The following FER variants were observed in gnomAD, a reference collection of about 807,000 sequenced individuals.
FER encodes the protein tyrosine-protein kinase Fer.
A neutral mutation model predicts 111.0 loss-of-function variants in FER; 63 were observed. The ratio of observed to expected loss-of-function variants is 0.57; its 90% CI spans 0.46 to 0.70. FER has a LOEUF of 0.70. Among genes scored for constraint, FER ranks in the 30% least tolerant of loss-of-function variants. The probability of loss-of-function intolerance (pLI) is 0.00; values close to 1 mark genes in which losing one functional copy is unlikely to be tolerated. For synonymous variants in FER, 327 were observed against 313.9 expected (o/e 1.04, Z -0.44); for missense variants, 914 against 954.0 (o/e 0.96, Z 0.55).
At position 108,905,356 on chromosome 5, in the gene FER, T is replaced by C. The variant is rs1199958512; in HGVS notation, c.1236+7508T>C. Reference sequence around the variant, plus strand: ...AAAAACTATATGTATATATTTCAAATTTATCTTTTAAATTATGAATTTCTT... The same window carrying C: ...AAAAACTATATGTATATATTTCAAACTTATCTTTTAAATTATGAATTTCTT... On this transcript the variant is annotated intron_variant, in intron 10 of 19. Coordinates refer to ENST00000281092, the MANE Select transcript of FER (RefSeq NM_005246.4). Among the ~76,000 whole-genome samples, 4 of 152,188 alleles carry C rather than the reference T, an allele frequency of 2.6e-5. No individual in the cohort carries two copies. In the East Asian group the frequency reaches 7.7e-4, roughly 29 times the overall value.
intron 14 of FER, among the ~76,000 whole-genome samples, chr5:109,041,057 C>G (rs1037247794): frequency 6.6e-6 from 1 of 152,038 alleles, no homozygotes; most frequent in African/African-American, 2.4e-5. Context: ...AGAAGAGAAG[C>G]AGTCATCCAG....
At chr5:109,168,766 T>A (rs535424683) in intron 17 of FER, among the ~76,000 whole-genome samples, 1 of 152,338 alleles carries the variant, frequency 6.6e-6, no homozygotes, top group East Asian at 1.9e-4. Context: ...GTAATTCACA[T>A]TGAATTTCAC....
At chr5:108,757,553 T>TA (rs1451203019) in intron 1 of FER, among the ~76,000 whole-genome samples, 1 of 151,954 alleles carries the variant, frequency 6.6e-6, no homozygotes, top group African/African-American at 2.4e-5. Context: ...GCCTTAGAGG[T>TA]AAAAAAAAGT....
chr5:108,838,195 A>G (rs929757970), intron 5 of FER, among the ~76,000 whole-genome samples: 4 of 152,136 alleles, frequency 2.6e-5, no homozygotes, highest in African/African-American at 7.2e-5. Context: ...TACAAGGATG[A>G]TGAGCTGTAA....
chr5:108,866,108 A>G (rs1387742415), intron 5 of FER, among the ~76,000 whole-genome samples: 1 of 152,192 alleles, frequency 6.6e-6, no homozygotes, highest in Non-Finnish European at 1.5e-5. Flanking sequence ...AATATTATAA[A>G]TCATGCTGCT....
intron 16 of FER, among the ~76,000 whole-genome samples, chr5:109,054,473 T>C (rs1421415859): frequency 6.6e-6 from 1 of 152,228 alleles, no homozygotes; most frequent in African/African-American, 2.4e-5. Flanking sequence ...ATTGGGTTGG[T>C]TGTTTTCTTG....
chr5:109,029,234 T>TC, intron 13 of FER, among the ~76,000 whole-genome samples: 1 of 149,414 alleles, frequency 6.7e-6, no homozygotes, highest in Non-Finnish European at 1.5e-5. Flanking sequence ...TTTTTTTTTT[T>TC]TTCTTCTTAC....
intron 13 of FER, among the ~76,000 whole-genome samples, chr5:109,003,253 G>A (rs1433353586): frequency 2.6e-5 from 4 of 152,200 alleles, no homozygotes; most frequent in Non-Finnish European, 4.4e-5. Context: ...TTAAGAAAAT[G>A]TGGCACATAT....
chr5:109,082,557 G>A (rs548808337), intron 16 of FER, among the ~76,000 whole-genome samples: 3 of 152,044 alleles, frequency 2.0e-5, no homozygotes, highest in East Asian at 1.9e-4. Flanking sequence ...ATGACAGCAC[G>A]TGTAAACTAT....
chr5:108,926,286 TTTTA>T (rs1244339955), intron 10 of FER, among the ~76,000 whole-genome samples: 5 of 151,896 alleles, frequency 3.3e-5, no homozygotes, highest in African/African-American at 9.7e-5. Flanking sequence ...ATTTTGTGCT[TTTTA>T]TTTGTTATTT....
rs572319487 is a variant in FER at position 109,077,306 on chromosome 5, C to G, written c.1925-23090C>G. 4.6e-5 allele frequency among the ~76,000 whole-genome samples: 7 copies of G among 152,256 alleles called. No individual in the cohort carries two copies. In the South Asian group the frequency reaches 1.4e-3, roughly 32 times the overall value. Reference sequence around the variant, plus strand: ...ATGAAACTTTCTTAGATTTTTACATCAATCTTGATTTTTACCTTATTATAT... The same window carrying G: ...ATGAAACTTTCTTAGATTTTTACATGAATCTTGATTTTTACCTTATTATAT... On this transcript the variant is annotated intron_variant, in intron 16 of 19. Coordinates refer to ENST00000281092, the MANE Select transcript of FER (RefSeq NM_005246.4).
chr5:108,957,600 G>A (rs764189430), intron 12 of FER, among the ~76,000 whole-genome samples: 46 of 151,522 alleles, frequency 3.0e-4, no homozygotes, highest in Admixed American at 6.6e-4. Flanking sequence ...CCCACTACTG[G>A]GTATTTATCC....
chr5:109,024,667 T>G (rs17161586), intron 13 of FER, among the ~76,000 whole-genome samples: 9,906 of 152,220 alleles, frequency 0.065, 1,057 homozygotes, highest in African/African-American at 0.23. Context: ...TAATCCCCCT[T>G]TCTTTTTCAT....
intron 16 of FER, among the ~76,000 whole-genome samples, chr5:109,059,691 A>G (rs1774130926): frequency 6.6e-6 from 1 of 152,242 alleles, no homozygotes; most frequent in African/African-American, 2.4e-5. Context: ...ATAAGTGGTG[A>G]TAAAAATATG....
chr5:108,938,322 G>A (rs1472364267), intron 10 of FER, among the ~76,000 whole-genome samples: 2 of 151,966 alleles, frequency 1.3e-5, no homozygotes, highest in Non-Finnish European at 2.9e-5. Context: ...TCCTACCTTT[G>A]TTAATTCTAA....
At chr5:109,004,229 C>T (rs1465120357) in intron 13 of FER, among the ~76,000 whole-genome samples, 1 of 152,148 alleles carries the variant, frequency 6.6e-6, no homozygotes, top group African/African-American at 2.4e-5. Context: ...TCCTCAGTTT[C>T]AGTAACCACA....
intron 2 of FER, among the ~76,000 whole-genome samples, chr5:108,793,177 A>G (rs949660542): frequency 6.6e-6 from 1 of 152,132 alleles, no homozygotes; most frequent in Non-Finnish European, 1.5e-5. Flanking sequence ...ACTACCCTTT[A>G]TAACCTGTTG....
intron 1 of FER, among the ~76,000 whole-genome samples, chr5:108,762,077 A>G (rs1383121627): frequency 6.6e-6 from 1 of 150,840 alleles, no homozygotes; most frequent in Non-Finnish European, 1.5e-5. Context: ...CACCTGGCTA[A>G]TTTTTTTTTG....
chr5:109,074,929 AAC>A (rs1285628179), intron 16 of FER, among the ~76,000 whole-genome samples: 6 of 152,234 alleles, frequency 3.9e-5, no homozygotes, highest in African/African-American at 1.2e-4. Context: ...TATAAACAGA[AAC>A]AATACTAATG....
Sources: gnomAD v4.1 joint callset for allele counts (sites outside exome capture counted in the v4.1 genomes callset) on GRCh38, gnomAD v4.1.1 for gene constraint, MANE v1.5 for transcripts, NCBI Gene and HGNC (gene_info 2026-07-23, HGNC 2026-07-21) for gene names.